The following APBA1 variants were observed in gnomAD, a reference collection of about 807,000 sequenced individuals.
APBA1 encodes the protein amyloid-beta A4 precursor protein-binding family A member 1.
A neutral mutation model predicts 86.6 loss-of-function variants in APBA1; 55 were observed. That is an observed-to-expected ratio of 0.64 (90% CI 0.51 to 0.80). APBA1 has a LOEUF of 0.80. Ranked by LOEUF, APBA1 falls within the 30% of genes least tolerant of loss-of-function variation. APBA1 has a pLI of 0.00. For synonymous variants in APBA1, 511 were observed against 493.9 expected (o/e 1.03, Z -0.46); for missense variants, 1,090 against 1,183.0 (o/e 0.92, Z 1.15).
At chr9:69,628,386 A>T (rs1023402681) in intron 1 of APBA1, among the ~76,000 whole-genome samples, 3 of 152,170 alleles carry the variant, frequency 2.0e-5, no homozygotes, top group African/African-American at 7.2e-5. Flanking sequence ...ATTTGTGGTG[A>T]TGTGTTATGC....
intron 1 of APBA1, among the ~76,000 whole-genome samples, chr9:69,625,203 C>A (rs1292213658): frequency 6.6e-6 from 1 of 152,192 alleles, no homozygotes; most frequent in African/African-American, 2.4e-5. Flanking sequence ...ACTGTTCCTT[C>A]TGGAATGTTT....
intron 1 of APBA1, among the ~76,000 whole-genome samples, chr9:69,667,031 T>C (rs938754836): frequency 6.6e-6 from 1 of 152,246 alleles, no homozygotes; most frequent in African/African-American, 2.4e-5. Flanking sequence ...TGTACGTCAC[T>C]GTAAAACCAT....
At chr9:69,521,077 T>A (rs1836244413) in intron 1 of APBA1, among the ~76,000 whole-genome samples, 1 of 152,202 alleles carries the variant, frequency 6.6e-6, no homozygotes, top group South Asian at 2.1e-4. Context: ...TCACACTAGC[T>A]AATGAAGAGT....
At chr9:69,557,181 G>T (rs1002123691) in intron 1 of APBA1, among the ~76,000 whole-genome samples, 2 of 152,112 alleles carry the variant, frequency 1.3e-5, no homozygotes, top group East Asian at 3.8e-4. Context: ...TAAGTAAAAT[G>T]CCCATAATCT....
Position 69,658,304 on chromosome 9 carries a change from C to CTCTTTCTT in APBA1, c.-70+13841_-70+13848dup, listed in dbSNP as rs202185776. On this transcript the variant is annotated intron_variant, in intron 1 of 12. Coordinates refer to ENST00000265381, the MANE Select transcript of APBA1 (RefSeq NM_001163.4). Reference sequence around the variant, plus strand: ...TCTTTCTCTCTCTCTTTCTCTCTCTCTCTTTCTTTCTTTCTTTCTTTCTTT... The same window carrying CTCTTTCTT: ...TCTTTCTCTCTCTCTTTCTCTCTCTCTCTTTCTTTCTTTCTTTCTTTCTTTCTTTCTTT... Among the ~76,000 whole-genome samples the CTCTTTCTT allele has an allele frequency of 1.8e-3, 147 of 80,016 alleles. 3 individuals carry two copies. Among genetic ancestry groups the CTCTTTCTT allele is most frequent in the Middle Eastern group, 5.4e-3 (1 of 186 alleles). 52.5% of individuals were successfully genotyped at this position (80,016 alleles called of 152,430 possible).
chr9:69,514,923 A>G (rs1836110456), intron 2 of APBA1, among the ~76,000 whole-genome samples: 1 of 152,116 alleles, frequency 6.6e-6, no homozygotes, highest in Admixed American at 6.5e-5. Flanking sequence ...AAACAAAACA[A>G]ATAAACAAAA....
intron 1 of APBA1, among the ~76,000 whole-genome samples, chr9:69,648,910 CT>C (rs1823441615): frequency 6.6e-6 from 1 of 152,150 alleles, no homozygotes; most frequent in Non-Finnish European, 1.5e-5. Context: ...ATCTGTTTCC[CT>C]TTCACGCTCC....
At chr9:69,464,309 T>G (rs1564040809) in intron 5 of APBA1, 1 of 152,244 alleles carries the variant, frequency 6.6e-6, no homozygotes, top group South Asian at 2.1e-4. Flanking sequence ...AGAAAATATT[T>G]AATGACAGGC....
Position 69,432,020 on chromosome 9 carries a change from G to A in APBA1, c.2442+516C>T, listed in dbSNP as rs765966791. 2.0e-5 allele frequency among the ~76,000 whole-genome samples: 3 copies of A among 152,222 alleles called. No individual in the cohort carries two copies. In the East Asian group the frequency reaches 5.8e-4, roughly 29 times the overall value. The stretch of plus-strand genomic sequence containing the variant: ...GTGATGACTGACAGCAGTGATGAAT[G>A]ACAGCAGTGATGACTGACAGTAGTG... On this transcript the variant is annotated intron_variant, in intron 12 of 12. Transcript: ENST00000265381.
chr9:69,431,433 AGGCTGGG>A, intron 12 of APBA1, 35 bp from the exon 13 acceptor site: 1 of 1,593,152 alleles, frequency 6.3e-7, no homozygotes, highest in Middle Eastern at 1.7e-4. Flanking sequence ...TGGGGGGCTG[AGGCTGGG>A]GGCTGGCTGC....
chr9:69,510,410 G>A (rs374842668), intron 2 of APBA1, among the ~76,000 whole-genome samples: 2 of 137,172 alleles, frequency 1.5e-5, no homozygotes, highest in Admixed American at 7.4e-5. Context: ...CACTGCTCAA[G>A]GAAATAAAAG....
intron 2 of APBA1, among the ~76,000 whole-genome samples, chr9:69,483,413 A>T (rs1305079700): frequency 6.6e-6 from 1 of 152,034 alleles, no homozygotes; most frequent in African/African-American, 2.4e-5. Context: ...ATGCACAGAG[A>T]CATCAGCAAA....
At chr9:69,636,918 GGAAGGAAAGAAAGAAA>G (rs1259840951) in intron 1 of APBA1, among the ~76,000 whole-genome samples, 11 of 84,954 alleles carry the variant, frequency 1.3e-4, no homozygotes, top group African/African-American at 5.3e-4. Context: ...AAGGAAGGAA[GGAAGGAAAGAAAGAAA>G]GAAAGAAAGA....
chr9:69,581,952 C>G (rs74767033), intron 1 of APBA1, among the ~76,000 whole-genome samples: 2,853 of 152,160 alleles, frequency 0.019, 97 homozygotes, highest in African/African-American at 0.065. Context: ...TTGATAGAGT[C>G]CCAGATCCAA....
At chr9:69,476,515 G>A (rs555267616) in intron 2 of APBA1, among the ~76,000 whole-genome samples, 1 of 152,242 alleles carries the variant, frequency 6.6e-6, no homozygotes, top group South Asian at 2.1e-4. Context: ...AATATTTAGG[G>A]TACCGAATGT....
rs764687834 is a variant in APBA1 at position 69,516,968 on chromosome 9, C to T, written c.243G>A (p.Thr81=). The T allele has an allele frequency of 9.4e-6, 15 of 1,591,384 alleles. No homozygotes were observed. The highest frequency in any genetic ancestry group is 8.0e-5 in the African/African-American group (6 of 74,650). ...RGECLARSAS[T]ESGFHNHTDT... ...CCGTGTGGTTGTGGAAGCCGCTCTCCGTGCTGGCTGAGCGCGCCAGGCATT... is the reference window on the plus strand; with the variant it reads ...CCGTGTGGTTGTGGAAGCCGCTCTCTGTGCTGGCTGAGCGCGCCAGGCATT... The change falls in exon 2 of 13, where the codon ACG becomes ACA. Residue 81 remains threonine (T), a synonymous_variant. Coordinates refer to ENST00000265381, the MANE Select transcript of APBA1 (RefSeq NM_001163.4). This position sits in a 1 kb window ranked among gnomAD's most constrained non-coding sequence, Gnocchi z 7.3.
At chr9:69,571,512 G>GCA (rs551800782) in intron 1 of APBA1, among the ~76,000 whole-genome samples, 3 of 151,436 alleles carry the variant, frequency 2.0e-5, no homozygotes, top group Admixed American at 6.6e-5. Context: ...GTATATATTT[G>GCA]CACACACACA....
At chr9:69,634,390 G>A (rs1376171967) in intron 1 of APBA1, among the ~76,000 whole-genome samples, 1 of 152,210 alleles carries the variant, frequency 6.6e-6, no homozygotes, top group Non-Finnish European at 1.5e-5. Flanking sequence ...TGCAACTTGA[G>A]TTCCTGCAAG....
chr9:69,454,402 A>G (rs922340382), intron 8 of APBA1, among the ~76,000 whole-genome samples: 5 of 152,208 alleles, frequency 3.3e-5, no homozygotes, highest in Non-Finnish European at 7.3e-5. Context: ...TACACTGGCT[A>G]CTGAGATTTA....
Sources: gnomAD v4.1 joint callset for allele counts (sites outside exome capture counted in the v4.1 genomes callset) on GRCh38, gnomAD v4.1.1 for gene constraint, Gnocchi (gnomAD v3.1) non-coding constraint, MANE v1.5 for transcripts, NCBI Gene and HGNC (gene_info 2026-07-23, HGNC 2026-07-21) for gene names.